CPXM2: variants seen among roughly 807,000 people sequenced by gnomAD.
The protein encoded by CPXM2 is inactive carboxypeptidase-like protein X2.
Under a neutral mutation model 86.1 loss-of-function variants are expected in CPXM2, and 66 were observed. That is an observed-to-expected ratio of 0.77 (90% CI 0.63 to 0.94). CPXM2 has a LOEUF of 0.94. Among genes scored for constraint, CPXM2 ranks in the 40% least tolerant of loss-of-function variants. The pLI, the probability that CPXM2 is intolerant of heterozygous loss-of-function variation, is 0.00. For missense variants in CPXM2, 948 were observed against 1,026.3 expected, an observed-to-expected ratio of 0.92 and a Z score of 1.04; for synonymous variants, 388 against 400.2, an observed-to-expected ratio of 0.97 and a Z score of 0.36.
intron 8 of CPXM2, 85 bp downstream of exon 8, chr10:123,770,831 C>T (rs1846609976): frequency 7.0e-7 from 1 of 1,422,224 alleles, no homozygotes; most frequent in East Asian, 2.3e-5. Context: ...TGGCATGAAT[C>T]TTCTCATAGG....
chr10:123,780,578 T>C (rs1242578245), intron 6 of CPXM2, among the ~76,000 whole-genome samples: 1 of 152,194 alleles, frequency 6.6e-6, no homozygotes, highest in African/African-American at 2.4e-5. Context: ...GGTACCTCCC[T>C]CAATGGTTTA....
At chr10:123,853,859 C>T (rs1237187382) in intron 3 of CPXM2, among the ~76,000 whole-genome samples, 5 of 152,064 alleles carry the variant, frequency 3.3e-5, no homozygotes, top group Admixed American at 1.3e-4. Context: ...GAGCAGAGAT[C>T]GTGCCACTGC....
chr10:123,881,270 C>T (rs2134234256), intron 1 of CPXM2, among the ~76,000 whole-genome samples: 1 of 131,544 alleles, frequency 7.6e-6, no homozygotes, highest in Admixed American at 7.3e-5. Flanking sequence ...TCCCTTTACG[C>T]TCAAGCTAAT....
intron 9 of CPXM2, 75 bp downstream of exon 9, chr10:123,768,451 C>A: frequency 8.4e-7 from 1 of 1,183,880 alleles, no homozygotes; most frequent in Non-Finnish European, 1.2e-6. Context: ...TTGCATAGCC[C>A]TAGGGCCAGA....
chr10:123,902,693 T>C (rs1024022903), intron 2 of CPXM2, among the ~76,000 whole-genome samples: 22 of 152,198 alleles, frequency 1.4e-4, no homozygotes, highest in African/African-American at 4.6e-4. Context: ...TCATGCGGGC[T>C]CCTCCCTCAT....
chr10:123,831,544 G>A (rs180806651), intron 4 of CPXM2, among the ~76,000 whole-genome samples: 69 of 152,322 alleles, frequency 4.5e-4, no homozygotes, highest in African/African-American at 1.6e-3. Context: ...TTAAACCACA[G>A]ACATTTATTC....
intron 2 of CPXM2, 149 bp downstream of exon 2, chr10:123,880,062 G>A (rs983154311): frequency 2.4e-5 from 14 of 571,514 alleles, no homozygotes; most frequent in South Asian, 6.8e-5. Context: ...TCTCGCCCCC[G>A]CACCATGGAT....
intron 3 of CPXM2, among the ~76,000 whole-genome samples, chr10:123,852,912 C>G (rs1361076279): frequency 2.0e-5 from 3 of 152,204 alleles, no homozygotes; most frequent in African/African-American, 7.2e-5. Flanking sequence ...GTGCCACCTT[C>G]TAACATACTA....
At chr10:123,830,868 CTCTCTGTG>C (rs894339365) in intron 4 of CPXM2, among the ~76,000 whole-genome samples, 1 of 97,654 alleles carries the variant, frequency 1.0e-5, no homozygotes, top group African/African-American at 3.9e-5. Flanking sequence ...CTCTCTCTCT[CTCTCTGTG>C]TGTGTGTGTG....
chr10:123,912,824 C>T (rs1945501977), intron 2 of CPXM2, among the ~76,000 whole-genome samples: 1 of 152,242 alleles, frequency 6.6e-6, no homozygotes, highest in South Asian at 2.1e-4. Flanking sequence ...TTATTTTTGT[C>T]TCTGAAGCCA....
intron 13 of CPXM2, among the ~76,000 whole-genome samples, chr10:123,748,674 A>G (rs1006516642): frequency 6.6e-6 from 1 of 152,092 alleles, no homozygotes; most frequent in Non-Finnish European, 1.5e-5. Context: ...TCTTTTTTTA[A>G]TGAAATGGCA....
intron 6 of CPXM2, among the ~76,000 whole-genome samples, chr10:123,791,698 G>T (rs1028841624): frequency 1.3e-5 from 2 of 152,146 alleles, no homozygotes; most frequent in Non-Finnish European, 2.9e-5. Flanking sequence ...TAAAGACCCT[G>T]TTTCTAAATA....
intron 4 of CPXM2, among the ~76,000 whole-genome samples, chr10:123,813,725 T>C (rs977513550): frequency 1.3e-5 from 2 of 152,270 alleles, no homozygotes; most frequent in African/African-American, 4.8e-5. Context: ...GTAATGTCAG[T>C]TGTCTTCAAT....
chr10:123,856,202 C>T (rs1346778459), intron 3 of CPXM2, among the ~76,000 whole-genome samples: 1 of 152,190 alleles, frequency 6.6e-6, no homozygotes, highest in African/African-American at 2.4e-5. Context: ...CATCCTGAGT[C>T]CCAACCACAC....
rs1846285533 is a variant in CPXM2, at chr10:123,759,470, C to T, written c.1778-2118G>A. ...GAGAAACCAGAGGGAGGTGGAGAAGCTTGGGCCATGCTGTCTTGCTGCTGC... is the reference window on the plus strand; with the variant it reads ...GAGAAACCAGAGGGAGGTGGAGAAGTTTGGGCCATGCTGTCTTGCTGCTGC... On this transcript the variant is annotated intron_variant, in intron 11 of 13. Coordinates refer to ENST00000241305, the MANE Select transcript of CPXM2 (RefSeq NM_198148.3). 2.0e-5 allele frequency among the ~76,000 whole-genome samples: 3 copies of T among 152,176 alleles called. No individual in the cohort carries two copies. The South Asian group carries it at 6.2e-4, about 32-fold the overall frequency.
chr10:123,797,921 ATC>A (rs1239271189), intron 6 of CPXM2, 53 bp downstream of exon 6: 2 of 1,462,102 alleles, frequency 1.4e-6, no homozygotes, highest in Non-Finnish European at 1.8e-6. Flanking sequence ...TTGGCTGGGC[ATC>A]TGTTTTCCAT....
chr10:123,758,051 G>A (rs551317318), intron 11 of CPXM2, among the ~76,000 whole-genome samples: 11 of 152,092 alleles, frequency 7.2e-5, no homozygotes, highest in Non-Finnish European at 8.8e-5. Context: ...ATAGACCATC[G>A]CTGCTTGGGG....
intron 4 of CPXM2, among the ~76,000 whole-genome samples, chr10:123,812,103 G>C (rs1385180278): frequency 1.3e-5 from 2 of 152,114 alleles, no homozygotes; most frequent in Non-Finnish European, 2.9e-5. Context: ...CATGATCCAG[G>C]AGACATATAC....
chr10:123,882,441 A>G (rs1418848242), intron 1 of CPXM2, among the ~76,000 whole-genome samples: 1 of 152,218 alleles, frequency 6.6e-6, no homozygotes, highest in African/African-American at 2.4e-5. Flanking sequence ...GAGCCTGACC[A>G]GGGCTCTGTA....
Sources: allele counts gnomAD v4.1 joint callset (sites outside exome capture counted in the v4.1 genomes callset), GRCh38; gene constraint gnomAD v4.1.1; transcripts MANE v1.5; gene names NCBI Gene and HGNC (gene_info 2026-07-23, HGNC 2026-07-21).